The following PTPRH variants were observed in gnomAD, a reference collection of about 807,000 sequenced individuals.
The protein encoded by PTPRH is protein tyrosine phosphatase receptor type H, also known as receptor-type tyrosine-protein phosphatase H.
A neutral mutation model predicts 130.2 loss-of-function variants in PTPRH; 113 were observed. That is an observed-to-expected ratio of 0.87 (90% CI 0.75 to 1.01). The LOEUF (loss-of-function observed/expected upper bound fraction) is 1.01. PTPRH is among the 50% of genes least tolerant of loss of function. PTPRH has a pLI of 0.00. For synonymous variants in PTPRH, 556 were observed against 577.9 expected (o/e 0.96, Z 0.54); for missense variants, 1,430 against 1,425.0 (o/e 1.00, Z -0.06).
Position 55,202,231 on chromosome 19 carries a change from C to A in PTPRH, c.978G>T (p.Gln326His). Residue 326 changes from glutamine to histidine, a missense_variant, in exon 6 of 20, where the codon CAG becomes CAT. Transcript: ENST00000376350. Reference protein sequence around the residue: ...TWEVPDGPDPQNSTYGVEYTG... With the variant: ...TWEVPDGPDPHNSTYGVEYTG... ...TGTACTCAACCCCGTAGGTGGAGTT[C>A]TGTGGGTCTGGGCCATCGGGGACCT... 1 of 1,614,210 alleles carries A rather than the reference C, an allele frequency of 6.2e-7. No homozygotes were observed. The highest frequency in any genetic ancestry group is 8.5e-7 in the Non-Finnish European group (1 of 1,180,040).
intron 6 of PTPRH, 22 bp from the exon 7 acceptor site, chr19:55,200,524 C>G: frequency 6.2e-7 from 1 of 1,611,672 alleles, no homozygotes; most frequent in Non-Finnish European, 8.5e-7. Flanking sequence ...GGAAGAAGAT[C>G]CTATGTTGTC....
intron 7 of PTPRH, 127 bp downstream of exon 7, chr19:55,200,109 G>T: frequency 9.1e-7 from 1 of 1,098,184 alleles, no homozygotes; most frequent in Non-Finnish European, 1.3e-6. Context: ...CTGTCCTGTG[G>T]ACTTGGAGAG....
intron 14 of PTPRH, among the ~76,000 whole-genome samples, chr19:55,187,213 C>T (rs545489468): frequency 8.0e-5 from 12 of 149,132 alleles, no homozygotes; most frequent in East Asian, 5.9e-4. Context: ...GGCGAGGTGG[C>T]GGGCACCTGT....
At chr19:55,191,185 G>A (rs76624446) in intron 12 of PTPRH, among the ~76,000 whole-genome samples, 12,761 of 152,250 alleles carry the variant, frequency 0.084, 601 homozygotes, top group Middle Eastern at 0.13. Context: ...TAAGCCCCTG[G>A]CGGGCAAGAA....
intron 17 of PTPRH, 56 bp downstream of exon 17, chr19:55,185,806 C>T: frequency 6.2e-7 from 1 of 1,612,686 alleles, no homozygotes; most frequent in Non-Finnish European, 8.5e-7. Flanking sequence ...GTCCTGGATG[C>T]ATGGCATATG....
Position 55,202,218 on chromosome 19 carries a change from C to T in PTPRH, c.991G>A (p.Gly331Arg), listed in dbSNP as rs544465704. The T allele has an allele frequency of 1.1e-5, 18 of 1,614,188 alleles. No individual in the cohort carries two copies. Among genetic ancestry groups the T allele is most frequent in the South Asian group, 5.5e-5 (5 of 91,078 alleles). ...DGPDPQNSTY[G>R]VEYTGDGGRA... is the part of the protein sequence containing the mutation. ...CCACCATCTCCAGTGTACTCAACCCCGTAGGTGGAGTTCTGTGGGTCTGGG... is the reference window on the plus strand; with the variant it reads ...CCACCATCTCCAGTGTACTCAACCCTGTAGGTGGAGTTCTGTGGGTCTGGG... Residue 331 changes from glycine (G) to arginine (R), a missense_variant, in exon 6 of 20, where the codon GGG (glycine) becomes AGG (arginine). Gly to Arg is a moderately radical substitution (Grantham distance 125). Coordinates refer to ENST00000376350, the MANE Select transcript of PTPRH (RefSeq NM_002842.5).
intron 14 of PTPRH, 44 bp downstream of exon 14, chr19:55,187,469 C>G (rs186568572): frequency 1.5e-5 from 23 of 1,526,596 alleles, no homozygotes. Context: ...GGGGTGCCGA[C>G]TAGATCAGGG....
At chr19:55,208,971 G>T (rs1427539843) in intron 1 of PTPRH, among the ~76,000 whole-genome samples, 1 of 144,438 alleles carries the variant, frequency 6.9e-6, no homozygotes, top group Non-Finnish European at 1.5e-5. Flanking sequence ...GGGGCTGGGG[G>T]CCTGGACTCC....
Position 55,206,792 on chromosome 19 carries a change from G to T in PTPRH, c.249C>A (p.Asn83Lys), listed in dbSNP as rs61734257. Residue 83 changes from asparagine to lysine, a missense_variant, in exon 3 of 20, where the codon AAC becomes AAA. By Grantham distance (94) the Asn-to-Lys change is moderately conservative. Coordinates refer to ENST00000376350, the MANE Select transcript of PTPRH (RefSeq NM_002842.5). Reference sequence around the variant, plus strand: ...CGGGTCCAAGGCCATCCACGGTGACGTTGGTGGCTGTTGTGTTTCGAGTCT... The same window carrying T: ...CGGGTCCAAGGCCATCCACGGTGACTTTGGTGGCTGTTGTGTTTCGAGTCT... Reference protein sequence around the residue: ...TTETRNTTATNVTVDGLGPGS... With the variant: ...TTETRNTTATKVTVDGLGPGS... 7 of 1,614,030 alleles carry T rather than the reference G, an allele frequency of 4.3e-6. No homozygotes were observed. Among genetic ancestry groups the T allele is most frequent in the South Asian group, 2.2e-5 (2 of 91,076 alleles).
In PTPRH at chr19:55,197,176, G is replaced by A; in HGVS notation, c.1931C>T (p.Thr644Ile). The A allele has an allele frequency of 1.9e-6, 3 of 1,614,250 alleles. No individual in the cohort carries two copies. In the South Asian group the frequency reaches 3.3e-5, roughly 18 times the overall value. Residue 644 changes from threonine (T) to isoleucine (I), a missense_variant, in exon 9 of 20, where the codon ACC becomes ATC. Transcript: ENST00000376350. ...TACGTCATTCCTCTCTGCCCACACG[G>A]TGAAATTGTACAACGTCCCGGGTTC... is the stretch of plus-strand genomic sequence containing the variant. ...ALEPGTLYNF[T>I]VWAERNDVAS... is the part of the protein sequence containing the mutation.
In PTPRH at chr19:55,186,688, C is replaced by T. The variant is rs1477520895; in HGVS notation, c.2567-148G>A. On this transcript the variant is annotated intron_variant, in intron 14 of 19. Transcript: ENST00000376350. ...CCGAGACGCAGGCAGACCTTGGGAG[C>T]TACACAGGGACTGAGAGGGGCGGAG... The T allele has an allele frequency of 8.6e-6, 3 of 347,238 alleles. No individual in the cohort carries two copies. The Admixed American group carries it at 2.5e-4, about 29-fold the overall frequency. 21.5% of individuals were successfully genotyped at this position (347,238 alleles called of 1,614,324 possible).
chr19:55,197,425 TG>T lies in PTPRH; in HGVS notation c.1691-10del. 6.2e-7 allele frequency: 1 copy of T among 1,609,452 alleles called. No individual in the cohort carries two copies. The highest frequency in any genetic ancestry group is 8.5e-7 in the Non-Finnish European group (1 of 1,176,264). On this transcript the variant is annotated splice_polypyrimidine_tract_variant and intron_variant, in intron 8 of 19. Coordinates refer to ENST00000376350, the MANE Select transcript of PTPRH (RefSeq NM_002842.5). ...TGTGACCTCATTGGGAGCTGAGAAGTGAGAACAGAGGCCTAAGGGGGTATCC... is the reference window on the plus strand; with the variant it reads ...TGTGACCTCATTGGGAGCTGAGAAGTAGAACAGAGGCCTAAGGGGGTATCC...
intron 10 of PTPRH, 56 bp from the exon 11 acceptor site, chr19:55,191,797 T>C (rs372750107): frequency 2.4e-5 from 35 of 1,445,024 alleles, no homozygotes; most frequent in Non-Finnish European, 3.2e-5. Flanking sequence ...TGCTCATCTG[T>C]CTCCAACCCT....
chr19:55,182,199 G>C (rs1447994776), intron 18 of PTPRH, 48 bp from the exon 19 acceptor site: 3 of 1,592,404 alleles, frequency 1.9e-6, no homozygotes, highest in Non-Finnish European at 2.6e-6. Context: ...GAGTGTGAGG[G>C]TCCGGGGTCA....
At chr19:55,201,951 C>T in intron 6 of PTPRH, 105 bp downstream of exon 6, 2 of 1,527,094 alleles carry the variant, frequency 1.3e-6, no homozygotes, top group Non-Finnish European at 1.8e-6. Context: ...GAGTACCTGG[C>T]TCAATATGGC....
At chr19:55,184,773 A>T (rs2086270123) in intron 18 of PTPRH, among the ~76,000 whole-genome samples, 1 of 151,760 alleles carries the variant, frequency 6.6e-6, no homozygotes, top group South Asian at 2.1e-4. Context: ...GGCGACAGGG[A>T]GAGACTCCAT....
At chr19:55,199,525 AG>A (rs1465880815) in intron 7 of PTPRH, among the ~76,000 whole-genome samples, 2 of 152,050 alleles carry the variant, frequency 1.3e-5, no homozygotes, top group African/African-American at 4.8e-5. Flanking sequence ...GAATTGCTTG[AG>A]CCCAGGAGGC....
chr19:55,191,823 T>C, intron 10 of PTPRH, 82 bp from the exon 11 acceptor site: 1 of 1,234,040 alleles, frequency 8.1e-7, no homozygotes, highest in Non-Finnish European at 1.2e-6. Flanking sequence ...GCCTTTCCTC[T>C]TCCCCAGGAG....
At position 55,181,894 on chromosome 19, in the gene PTPRH, C is replaced by T. The variant is rs140496718; in HGVS notation, c.3208G>A (p.Val1070Ile). Reference sequence around the variant, plus strand: ...CGCAGGATGCACTGATGCAGGAATACGTACTGAGCCTGGGAAGCAGGCACG... The same window carrying T: ...CGCAGGATGCACTGATGCAGGAATATGTACTGAGCCTGGGAAGCAGGCACG... The part of the protein sequence containing the change: ...PLMVQTEAQY[V>I]FLHQCILRFL... The change falls in exon 20 of 20, where the codon GTA becomes ATA. Residue 1070 changes from valine to isoleucine, a missense_variant. By Grantham distance (29) the Val-to-Ile change is conservative. Coordinates refer to ENST00000376350, the MANE Select transcript of PTPRH (RefSeq NM_002842.5). 1.3e-4 allele frequency: 216 copies of T among 1,614,096 alleles called. 1 individual carries two copies. Among genetic ancestry groups the T allele is most frequent in the Admixed American group, 2.5e-4 (15 of 60,006 alleles).
Sources: allele counts gnomAD v4.1 joint callset (sites outside exome capture counted in the v4.1 genomes callset), GRCh38; gene constraint gnomAD v4.1.1; transcripts MANE v1.5; gene names NCBI Gene and HGNC (gene_info 2026-07-23, HGNC 2026-07-21).